Variants in ADAM18 observed in about 807,000 individuals in gnomAD.
ADAM18 encodes disintegrin and metalloproteinase domain-containing protein 18.
In ADAM18, 117 loss-of-function variants were observed where a neutral mutation model predicts 94.4. The ratio of observed to expected loss-of-function variants is 1.24; its 90% CI spans 1.07 to 1.45. The LOEUF is 1.45. Among genes scored for constraint, ADAM18 ranks in the 40% most tolerant of loss-of-function variants. The probability of loss-of-function intolerance (pLI) is 0.00; values close to 1 mark genes in which losing one functional copy is unlikely to be tolerated. For synonymous variants in ADAM18, 327 were observed against 291.6 expected, an observed-to-expected ratio of 1.12 and a Z score of -1.24; for missense variants, 936 against 880.0, an observed-to-expected ratio of 1.06 and a Z score of -0.81.
chr8:39,654,051 G>A (rs1291579872), intron 12 of ADAM18, among the ~76,000 whole-genome samples: 2 of 149,658 alleles, frequency 1.3e-5, no homozygotes, highest in Admixed American at 1.3e-4. Context: ...TTCCACACAT[G>A]ATTGAGAACA....
At chr8:39,612,579 G>A (rs1050354593) in intron 6 of ADAM18, among the ~76,000 whole-genome samples, 2 of 152,028 alleles carry the variant, frequency 1.3e-5, no homozygotes, top group Admixed American at 6.6e-5. Flanking sequence ...AGCCAGGAGC[G>A]CTCATACCCC....
intron 14 of ADAM18, among the ~76,000 whole-genome samples, chr8:39,676,295 A>G (rs1821299204): frequency 6.6e-6 from 1 of 152,200 alleles, no homozygotes; most frequent in South Asian, 2.1e-4. Context: ...GCTGCAGTGG[A>G]CTCTGCCAAG....
intron 1 of ADAM18, 21 bp from the exon 2 acceptor site, chr8:39,585,255 A>G: frequency 6.2e-7 from 1 of 1,601,440 alleles, no homozygotes; most frequent in Non-Finnish European, 8.5e-7. Flanking sequence ...AGACAAAAAC[A>G]AACACATTTT....
chr8:39,675,145 A>G (rs142224396), intron 14 of ADAM18, among the ~76,000 whole-genome samples: 114 of 152,138 alleles, frequency 7.5e-4, no homozygotes, highest in African/African-American at 2.7e-3. Context: ...TGTTCTCTGT[A>G]TTTCTGAATT....
At chr8:39,664,016 T>G in intron 13 of ADAM18, 126 bp downstream of exon 13, 1 of 650,292 alleles carries the variant, frequency 1.5e-6, no homozygotes, top group Non-Finnish European at 2.5e-6. Context: ...GTAGAGTGCA[T>G]GAACAAACAC....
In ADAM18 at chr8:39,677,547, A is replaced by G. The variant is rs370770156; in HGVS notation, c.1631+11A>G. 4 of 1,558,144 alleles carry G rather than the reference A, an allele frequency of 2.6e-6. No homozygotes were observed. The highest frequency in any genetic ancestry group is 3.5e-6 in the Non-Finnish European group (4 of 1,149,082). On this transcript the variant is annotated intron_variant, in intron 15 of 19. Transcript: ENST00000265707. The stretch of plus-strand genomic sequence containing the variant: ...ACCTTGTGAACGGAAGTACGTATGT[A>G]GAAAATGATTGCTTCTTTGAATCAT...
intron 6 of ADAM18, among the ~76,000 whole-genome samples, chr8:39,623,665 C>T (rs1238158429): frequency 2.0e-5 from 3 of 152,076 alleles, no homozygotes; most frequent in Admixed American, 6.5e-5. Flanking sequence ...GGGGTGATCT[C>T]GGCTCACTGC....
intron 12 of ADAM18, among the ~76,000 whole-genome samples, chr8:39,661,154 C>CT (rs34697066): frequency 0.34 from 39,471 of 116,740 alleles, 7,550 homozygotes; most frequent in Non-Finnish European, 0.41. Flanking sequence ...TCTTCTTCTT[C>CT]TTTTTTTTTT....
intron 16 of ADAM18, among the ~76,000 whole-genome samples, chr8:39,687,102 G>A (rs1232635364): frequency 1.3e-5 from 2 of 152,148 alleles, no homozygotes; most frequent in East Asian, 3.8e-4. Flanking sequence ...ATATTAGTAT[G>A]TATTTTAATA....
intron 10 of ADAM18, among the ~76,000 whole-genome samples, chr8:39,641,920 CTGT>C (rs1424592583): frequency 6.6e-6 from 1 of 152,050 alleles, no homozygotes; most frequent in African/African-American, 2.4e-5. Flanking sequence ...TCTCCAGCAT[CTGT>C]TATTTTTTGA....
At chr8:39,695,279 G>A (rs773357662) in intron 17 of ADAM18, among the ~76,000 whole-genome samples, 14 of 151,512 alleles carry the variant, frequency 9.2e-5, no homozygotes, top group Admixed American at 2.0e-4. Context: ...TCATATAATA[G>A]CAGCATGTTT....
intron 11 of ADAM18, among the ~76,000 whole-genome samples, chr8:39,646,833 TAATG>T (rs1300757644): frequency 6.6e-6 from 1 of 152,132 alleles, no homozygotes; most frequent in Non-Finnish European, 1.5e-5. Flanking sequence ...AAATAAAAAT[TAATG>T]AAGCTTATTT....
At chr8:39,715,579 A>G (rs567270100) in intron 18 of ADAM18, among the ~76,000 whole-genome samples, 1 of 152,122 alleles carries the variant, frequency 6.6e-6, no homozygotes, top group East Asian at 1.9e-4. Context: ...AATGGAAAAA[A>G]GACATAACTT....
At chr8:39,705,788 C>G (rs1308229747) in intron 17 of ADAM18, among the ~76,000 whole-genome samples, 2 of 151,978 alleles carry the variant, frequency 1.3e-5, no homozygotes, top group Admixed American at 6.6e-5. Flanking sequence ...GACACAATAT[C>G]TATAGGAAAA....
chr8:39,634,603 G>A (rs1452140288), intron 7 of ADAM18, among the ~76,000 whole-genome samples: 4 of 152,100 alleles, frequency 2.6e-5, no homozygotes, highest in African/African-American at 9.7e-5. Flanking sequence ...GCTCTGTTGG[G>A]TTTTCATTGG....
chr8:39,610,662 A>G lies in ADAM18; in HGVS notation c.478A>G (p.Ile160Val), dbSNP rs1250959336. 1 of 1,613,386 alleles carries G rather than the reference A, an allele frequency of 6.2e-7. No homozygotes were observed. The change falls in exon 6 of 20, where the codon ATT (isoleucine) becomes GTT (valine). Residue 160 changes from isoleucine (I) to valine (V), a missense_variant. Transcript: ENST00000265707. ...CATTTTAGCAGTAAATTACAGTCAT[A>G]TTTGGCAGAAAGACCAGCCCTACAA... ...VSILAVNYSH[I>V]WQKDQPYKVP...
At chr8:39,680,349 C>A (rs1585974471) in intron 16 of ADAM18, 123 bp downstream of exon 16, 2 of 920,852 alleles carry the variant, frequency 2.2e-6, no homozygotes, top group Non-Finnish European at 3.1e-6. Context: ...CATTTATTTC[C>A]CATGTGATAT....
At chr8:39,664,942 G>A (rs1220938714) in intron 13 of ADAM18, among the ~76,000 whole-genome samples, 1 of 149,296 alleles carries the variant, frequency 6.7e-6, no homozygotes, top group African/African-American at 2.5e-5. Context: ...GTTGAATTTA[G>A]CTATTAATGT....
chr8:39,597,626 A>T (rs879624375), intron 2 of ADAM18, among the ~76,000 whole-genome samples: 1 of 151,956 alleles, frequency 6.6e-6, no homozygotes, highest in Non-Finnish European at 1.5e-5. Flanking sequence ...TTTCTGTTCC[A>T]TTATTCTATT....
Sources: gnomAD v4.1 joint callset for allele counts (sites outside exome capture counted in the v4.1 genomes callset) on GRCh38, gnomAD v4.1.1 for gene constraint, MANE v1.5 for transcripts, NCBI Gene and HGNC (gene_info 2026-07-23, HGNC 2026-07-21) for gene names.